The following MVB12B variants were observed in gnomAD, a reference collection of about 807,000 sequenced individuals.
MVB12B encodes the protein multivesicular body subunit 12B.
A neutral mutation model predicts 41.6 loss-of-function variants in MVB12B; 16 were observed. The ratio of observed to expected loss-of-function variants is 0.38; its 90% CI spans 0.26 to 0.58. The LOEUF (loss-of-function observed/expected upper bound fraction) is 0.58, where lower values mean the gene tolerates loss of function less well. Among genes scored for constraint, MVB12B ranks in the 20% least tolerant of loss-of-function variants. The probability of loss-of-function intolerance (pLI) is 0.62; values close to 1 mark genes in which losing one functional copy is unlikely to be tolerated. For missense variants in MVB12B, 274 were observed against 380.2 expected (o/e 0.72, Z 2.32); for synonymous variants, 133 against 139.7 (o/e 0.95, Z 0.34).
At chr9:126,343,971 C>G (rs1294121904) in intron 2 of MVB12B, among the ~76,000 whole-genome samples, 1 of 150,482 alleles carries the variant, frequency 6.6e-6, no homozygotes, top group Admixed American at 6.6e-5. Context: ...ACTGAAGCTG[C>G]AACACTATAT....
intron 9 of MVB12B, among the ~76,000 whole-genome samples, chr9:126,501,980 C>A (rs929137251): frequency 2.0e-5 from 3 of 152,172 alleles, no homozygotes; most frequent in African/African-American, 7.2e-5. Flanking sequence ...CCCTTCCTGG[C>A]CTGCCCGTGT....
chr9:126,439,333 G>T (rs1832575516), intron 7 of MVB12B, among the ~76,000 whole-genome samples: 1 of 152,150 alleles, frequency 6.6e-6, no homozygotes, highest in South Asian at 2.1e-4. Flanking sequence ...CTGGGCGCAG[G>T]GTGAGAGTTG....
intron 6 of MVB12B, chr9:126,396,005 G>T: frequency 8.8e-7 from 1 of 1,136,156 alleles, no homozygotes. Flanking sequence ...GTGCTGTATA[G>T]CCATGGGGTT....
chr9:126,347,459 A>G (rs965352801), intron 2 of MVB12B, among the ~76,000 whole-genome samples: 1 of 152,252 alleles, frequency 6.6e-6, no homozygotes, highest in African/African-American at 2.4e-5. Flanking sequence ...TAATTTATAT[A>G]TGCCCAAAAC....
At chr9:126,466,034 A>T (rs966738462) in intron 7 of MVB12B, among the ~76,000 whole-genome samples, 3 of 152,218 alleles carry the variant, frequency 2.0e-5, no homozygotes, top group Admixed American at 6.5e-5. Flanking sequence ...CCTCTCAAAG[A>T]TGTAGCCCCT....
intron 7 of MVB12B, among the ~76,000 whole-genome samples, chr9:126,435,860 G>A (rs1832464041): frequency 6.6e-6 from 1 of 152,258 alleles, no homozygotes; most frequent in South Asian, 2.1e-4. Flanking sequence ...CCGTCTCATG[G>A]CAGGTCACTG....
chr9:126,368,946 C>T (rs75758965), intron 2 of MVB12B, among the ~76,000 whole-genome samples: 4,994 of 152,140 alleles, frequency 0.033, 116 homozygotes, highest in Non-Finnish European at 0.052. Flanking sequence ...TGAAGATGTA[C>T]ATATGTCATG....
chr9:126,405,936 A>G (rs1361816229), intron 6 of MVB12B, among the ~76,000 whole-genome samples: 3 of 150,980 alleles, frequency 2.0e-5, no homozygotes, highest in Non-Finnish European at 4.4e-5. Context: ...CGTTATATAT[A>G]TATGTACACA....
At position 126,453,871 on chromosome 9, in the gene MVB12B, G is replaced by A. The variant is rs1035905992; in HGVS notation, c.758-27498G>A. On this transcript the variant is annotated intron_variant, in intron 7 of 9. Transcript: ENST00000361171. ...CTCCCCTCCTCTCTGGATCATCAAG[G>A]ATACCATCCAGATTACCTTCCAGGG... Among the ~76,000 whole-genome samples the A allele has an allele frequency of 2.6e-5, 4 of 152,184 alleles. No individual in the cohort carries two copies. The South Asian group carries it at 8.3e-4, about 32-fold the overall frequency.
chr9:126,472,981 C>CAAG (rs1174343440), intron 7 of MVB12B, among the ~76,000 whole-genome samples: 3 of 152,048 alleles, frequency 2.0e-5, no homozygotes, highest in African/African-American at 4.8e-5. Context: ...AATTTAAAAA[C>CAAG]AAGAAGAAGA....
rs1367684570 is a variant in MVB12B at position 126,483,845 on chromosome 9, G to A, written c.814-128G>A. On this transcript the variant is annotated intron_variant, in intron 8 of 9. Transcript: ENST00000361171. ...CGAGAGTCCCACTGACTGTCTTCCT[G>A]TGGAAAGTGGGTAGAGAAACGCTAG... 15 of 939,964 alleles carry A rather than the reference G, an allele frequency of 1.6e-5. No homozygotes were observed. The Admixed American group carries it at 2.9e-4, about 18-fold the overall frequency. 58.2% of individuals were successfully genotyped at this position (939,964 alleles called of 1,614,324 possible). A position where few individuals can be genotyped will look rare whatever the true frequency, so the allele number is the denominator to read the frequency against.
intron 2 of MVB12B, among the ~76,000 whole-genome samples, chr9:126,354,017 T>C (rs1588098419): frequency 6.6e-6 from 1 of 152,234 alleles, no homozygotes; most frequent in East Asian, 1.9e-4. Context: ...TACCCTTTAT[T>C]GTCAGTCTTT....
chr9:126,451,593 AG>A (rs542333706), intron 7 of MVB12B, among the ~76,000 whole-genome samples: 214 of 152,186 alleles, frequency 1.4e-3, no homozygotes, highest in African/African-American at 5.1e-3. Flanking sequence ...CCAAAGCAGT[AG>A]GAGTTCAAAC....
At chr9:126,461,605 C>G (rs369167725) in intron 7 of MVB12B, among the ~76,000 whole-genome samples, 3 of 152,202 alleles carry the variant, frequency 2.0e-5, no homozygotes, top group African/African-American at 7.2e-5. Flanking sequence ...ATTTAATGTT[C>G]AAAGCAATAA....
At chr9:126,413,286 C>T (rs1831704632) in intron 6 of MVB12B, among the ~76,000 whole-genome samples, 2 of 152,148 alleles carry the variant, frequency 1.3e-5, no homozygotes, top group South Asian at 4.1e-4. Flanking sequence ...ACTCTGTGTT[C>T]AAGTCCAAGC....
intron 7 of MVB12B, among the ~76,000 whole-genome samples, chr9:126,449,358 A>T (rs1214487314): frequency 1.3e-5 from 2 of 152,112 alleles, no homozygotes; most frequent in African/African-American, 4.8e-5. Flanking sequence ...ATCCTGGCAG[A>T]TGGCAACGGC....
Position 126,376,507 on chromosome 9 carries a change from A to G in MVB12B, c.205-4557A>G. On this transcript the variant is annotated intron_variant, in intron 2 of 9. Transcript: ENST00000361171. The surrounding 1 kb of genome is among the most constrained non-coding windows in gnomAD (Gnocchi z 4.1). ...TGGGGGGCCTGCTGGCTGGTGTGCT[A>G]CACAGTGGGGCGACGAGCAGGGAGC... 2 of 1,289,146 alleles carry G rather than the reference A, an allele frequency of 1.6e-6. No homozygotes were observed. Among genetic ancestry groups the G allele is most frequent in the South Asian group, 2.5e-5 (2 of 81,024 alleles). 79.9% of individuals were successfully genotyped at this position (1,289,146 alleles called of 1,614,324 possible). A position where few individuals can be genotyped will look rare whatever the true frequency, so the allele number is the denominator to read the frequency against.
rs1355339080 is a variant in MVB12B, at chr9:126,389,328, G to T, written c.409+2670G>T. Among the ~76,000 whole-genome samples the T allele has an allele frequency of 3.9e-5, 6 of 152,088 alleles. No individual in the cohort carries two copies. Among genetic ancestry groups the T allele is most frequent in the Non-Finnish European group, 5.9e-5 (4 of 68,016 alleles). On this transcript the variant is annotated intron_variant, in intron 4 of 9. Transcript: ENST00000361171. The surrounding 1 kb of genome is among the most constrained non-coding windows in gnomAD (Gnocchi z 4.4). Reference sequence around the variant, plus strand: ...CTCTGTATCATCTGAGAGTATTCAAGACCCTGATTTTATACAGTCAGCCAA... The same window carrying T: ...CTCTGTATCATCTGAGAGTATTCAATACCCTGATTTTATACAGTCAGCCAA...
chr9:126,491,005 A>T (rs1283732239), intron 9 of MVB12B, among the ~76,000 whole-genome samples: 1 of 152,242 alleles, frequency 6.6e-6, no homozygotes, highest in Non-Finnish European at 1.5e-5. Flanking sequence ...TTAGCCACGC[A>T]TATCTAATTT....
Sources: gnomAD v4.1 joint callset for allele counts (sites outside exome capture counted in the v4.1 genomes callset) on GRCh38, gnomAD v4.1.1 for gene constraint, Gnocchi (gnomAD v3.1) non-coding constraint, MANE v1.5 for transcripts, NCBI Gene and HGNC (gene_info 2026-07-23, HGNC 2026-07-21) for gene names.